The following TSNARE1 variants were observed in gnomAD, a reference collection of about 807,000 sequenced individuals.
TSNARE1 encodes the protein t-SNARE domain containing 1, also known as t-SNARE domain-containing protein 1.
TSNARE1 carries 49 observed loss-of-function variants against 62.0 expected under a neutral mutation model. The observed-to-expected ratio is 0.79, with a 90% CI of 0.63 to 1.00. The LOEUF is 1.00. Among genes scored for constraint, TSNARE1 ranks in the 50% least tolerant of loss-of-function variants. The pLI, the probability that TSNARE1 is intolerant of heterozygous loss-of-function variation, is 0.00. For synonymous variants in TSNARE1, 328 were observed against 294.4 expected (o/e 1.11, Z -1.17); for missense variants, 755 against 700.1 (o/e 1.08, Z -0.88).
chr8:142,387,973 C>T (rs910079224), intron 1 of TSNARE1, among the ~76,000 whole-genome samples: 1 of 152,090 alleles, frequency 6.6e-6, no homozygotes, highest in African/African-American at 2.4e-5. Flanking sequence ...TACAGACCAA[C>T]CTTAATTATG....
At position 142,218,128 on chromosome 8, in the gene TSNARE1, C is replaced by T. The variant is rs75703759; in HGVS notation, c.*12-5815G>A. On this transcript the variant is annotated intron_variant, in intron 13 of 13. Coordinates refer to ENST00000524325, the MANE Select transcript of TSNARE1 (RefSeq NM_145003.5). The stretch of plus-strand genomic sequence containing the variant: ...CAGTGTGTGACCAGGATCAGGGCTC[C>T]GTGTGACCAGGATCAGGCTCAGTGT... Among the ~76,000 whole-genome samples, 21 of 56,410 alleles carry T rather than the reference C, an allele frequency of 3.7e-4. 7 individuals are homozygous for T. Among genetic ancestry groups the T allele is most frequent in the Admixed American group, 1.2e-3 (8 of 6,680 alleles). 37.0% of individuals were successfully genotyped at this position (56,410 alleles called of 152,430 possible). A position where few individuals can be genotyped will look rare whatever the true frequency, so the allele number is the denominator to read the frequency against.
chr8:142,259,190 G>A (rs930954803), intron 12 of TSNARE1, among the ~76,000 whole-genome samples: 3 of 152,244 alleles, frequency 2.0e-5, no homozygotes, highest in Admixed American at 2.0e-4. Context: ...GGGGCAGAAG[G>A]GCGACAGCAC....
intron 10 of TSNARE1, among the ~76,000 whole-genome samples, chr8:142,286,928 T>G (rs373112463): frequency 6.6e-6 from 1 of 152,170 alleles, no homozygotes; most frequent in Non-Finnish European, 1.5e-5. Flanking sequence ...CATCTCCTCA[T>G]GCGGCATGTG....
At chr8:142,342,235 G>A (rs1315799030) in intron 4 of TSNARE1, among the ~76,000 whole-genome samples, 1 of 152,260 alleles carries the variant, frequency 6.6e-6, no homozygotes, top group Non-Finnish European at 1.5e-5. Flanking sequence ...AGTGACTCGG[G>A]GCCGGGACTG....
At chr8:142,334,082 G>A (rs1307359601) in intron 4 of TSNARE1, among the ~76,000 whole-genome samples, 5 of 152,234 alleles carry the variant, frequency 3.3e-5, no homozygotes, top group African/African-American at 9.6e-5. Context: ...AGTGTAAATG[G>A]ACCATGGTCT....
chr8:142,311,159 T>A (rs534923169), intron 9 of TSNARE1, among the ~76,000 whole-genome samples: 1 of 150,886 alleles, frequency 6.6e-6, no homozygotes, highest in Non-Finnish European at 1.5e-5. Flanking sequence ...CAAGGGTGGT[T>A]GTTTTTTTTT....
At chr8:142,340,000 C>T (rs1586899461) in intron 4 of TSNARE1, among the ~76,000 whole-genome samples, 1 of 152,232 alleles carries the variant, frequency 6.6e-6, no homozygotes, top group Non-Finnish European at 1.5e-5. Flanking sequence ...AGCCGGAGAG[C>T]TGGGGAGGGA....
intron 12 of TSNARE1, among the ~76,000 whole-genome samples, chr8:142,264,620 T>G (rs1819044480): frequency 6.6e-6 from 1 of 152,256 alleles, no homozygotes. Context: ...TTTTTCATCC[T>G]CCCGATGAGC....
In TSNARE1 at chr8:142,283,210, G is replaced by A. The variant is rs1353206973; in HGVS notation, c.1363+1203C>T. The stretch of plus-strand genomic sequence containing the variant: ...GAGGTGGGGCCACTGTCTGTCTAAG[G>A]GCAAAAGCGGGATCAGTGTCTGCCA... On this transcript the variant is annotated intron_variant, in intron 11 of 13. Coordinates refer to ENST00000524325, the MANE Select transcript of TSNARE1 (RefSeq NM_145003.5). 5.3e-5 allele frequency among the ~76,000 whole-genome samples: 7 copies of A among 133,286 alleles called. 1 individual carries two copies. The highest frequency in any genetic ancestry group is 1.7e-4 in the African/African-American group (6 of 34,702). The allele number at this position is 133,286 out of a possible 152,430, so 87.4% of individuals were successfully genotyped here.
intron 12 of TSNARE1, among the ~76,000 whole-genome samples, chr8:142,260,988 A>AGAAGGAG (rs1563786626): frequency 7.8e-3 from 13 of 1,658 alleles, no homozygotes; most frequent in South Asian, 0.023. Flanking sequence ...GAGGGAGGAG[A>AGAAGGAG]GAGGGAGGGG....
At position 142,345,812 on chromosome 8, in the gene TSNARE1, C is replaced by T; in HGVS notation, c.169G>A (p.Val57Met). 1 of 1,613,992 alleles carries T rather than the reference C, an allele frequency of 6.2e-7. No homozygotes were observed. Among genetic ancestry groups the T allele is most frequent in the Non-Finnish European group, 8.5e-7 (1 of 1,179,928 alleles). ...SPESKLQNRC[V>M]GKDGEGDLGP... ...AGATCACCTTCCCCGTCCTTCCCCA[C>T]ACAGCGGTTCTGCAGCTTGCTCTCT... Residue 57 changes from valine (V) to methionine (M), a missense_variant, in exon 3 of 14, where the codon GTG (valine) becomes ATG (methionine). Physicochemically the swap from Val to Met is conservative, Grantham distance 21. Transcript: ENST00000524325.
Position 142,271,725 on chromosome 8 carries a change from A to T in TSNARE1, c.1446+3056T>A, listed in dbSNP as rs1044455825. On this transcript the variant is annotated intron_variant, in intron 12 of 13. Transcript: ENST00000524325. Reference sequence around the variant, plus strand: ...GGGAGACAGGAAAATGTCAGCCTGCACACCCAAAACCCAGTGATCTGGAGG... The same window carrying T: ...GGGAGACAGGAAAATGTCAGCCTGCTCACCCAAAACCCAGTGATCTGGAGG... 5 of 1,329,592 alleles carry T rather than the reference A, an allele frequency of 3.8e-6. No individual in the cohort carries two copies. In the African/African-American group the frequency reaches 7.7e-5, roughly 20 times the overall value. The allele number at this position is 1,329,592 out of a possible 1,614,324, so 82.4% of individuals were successfully genotyped here.
At chr8:142,356,430 G>A (rs1025201280) in intron 1 of TSNARE1, among the ~76,000 whole-genome samples, 1 of 152,210 alleles carries the variant, frequency 6.6e-6, no homozygotes, top group Non-Finnish European at 1.5e-5. Flanking sequence ...TGCTGCCCCA[G>A]GGGAGAGTGG....
At chr8:142,382,434 G>A (rs550489502) in intron 1 of TSNARE1, among the ~76,000 whole-genome samples, 3 of 152,240 alleles carry the variant, frequency 2.0e-5, no homozygotes, top group Admixed American at 6.5e-5. Context: ...ACCAGCTGCC[G>A]GCACTGCCCG....
At chr8:142,349,510 T>C (rs888428133) in intron 2 of TSNARE1, among the ~76,000 whole-genome samples, 3 of 152,024 alleles carry the variant, frequency 2.0e-5, no homozygotes, top group Non-Finnish European at 2.9e-5. Context: ...ATGATGAAAC[T>C]ATGAGCAGAA....
At chr8:142,317,471 G>A (rs1034452730) in intron 7 of TSNARE1, among the ~76,000 whole-genome samples, 2 of 152,090 alleles carry the variant, frequency 1.3e-5, no homozygotes, top group Non-Finnish European at 2.9e-5. Context: ...CTGTATACAT[G>A]AAGCAGGTAC....
At chr8:142,293,968 A>G (rs1168628427) in intron 10 of TSNARE1, among the ~76,000 whole-genome samples, 1 of 152,170 alleles carries the variant, frequency 6.6e-6, no homozygotes, top group Non-Finnish European at 1.5e-5. Context: ...CAAATAAAAA[A>G]GGTTACCTAG....
In TSNARE1 at chr8:142,249,590, G is replaced by C. The variant is rs186230965; in HGVS notation, c.1447-20011C>G. Among the ~76,000 whole-genome samples the C allele has an allele frequency of 2.8e-4, 42 of 152,350 alleles. 2 individuals are homozygous for C. In the East Asian group the frequency reaches 7.5e-3, roughly 27 times the overall value. ...AGCGGTTTCAAGCACGCAGTGGGTT[G>C]CATAATTGTTCATAAGCCTGTGCTG... is the stretch of plus-strand genomic sequence containing the variant. On this transcript the variant is annotated intron_variant, in intron 12 of 13. Transcript: ENST00000524325.
intron 10 of TSNARE1, among the ~76,000 whole-genome samples, chr8:142,289,299 C>T (rs1415091157): frequency 1.3e-5 from 2 of 152,238 alleles, no homozygotes; most frequent in Non-Finnish European, 2.9e-5. Flanking sequence ...CAGAGAACCA[C>T]TTCCCACAGG....
Sources: allele counts gnomAD v4.1 joint callset (sites outside exome capture counted in the v4.1 genomes callset), GRCh38; gene constraint gnomAD v4.1.1; transcripts MANE v1.5; gene names NCBI Gene and HGNC (gene_info 2026-07-23, HGNC 2026-07-21).